Variants in BLTP1 observed in about 807,000 individuals in gnomAD.
BLTP1 encodes bridge-like lipid transfer protein family member 1.
chr4:122,255,226 T>C, the BLTP1 span: 17 of 1,613,316 alleles, frequency 1.1e-5, no homozygotes, highest in East Asian at 2.7e-4. Context: ...TACTATGTAA[T>C]ATACTACACC....
chr4:122,231,552 T>C, the BLTP1 span: 1 of 642,644 alleles, frequency 1.6e-6, no homozygotes, highest in Non-Finnish European at 1.9e-6. Context: ...TGTTTTATCT[T>C]TTAATTTTGT....
the BLTP1 span, chr4:122,237,723 G>A: frequency 4.8e-6 from 2 of 417,712 alleles, no homozygotes; most frequent in Non-Finnish European, 6.4e-6. Flanking sequence ...CTTTTTACAC[G>A]CCTGTAATCC....
chr4:122,195,978 A>G, the BLTP1 span, among the ~76,000 whole-genome samples: 6 of 152,354 alleles, frequency 3.9e-5, no homozygotes, highest in South Asian at 1.2e-3. Flanking sequence ...TAGCTCATGT[A>G]GAAGACTCTG....
At chr4:122,341,919 A>C in the BLTP1 span, 1 of 613,566 alleles carries the variant, frequency 1.6e-6, no homozygotes, top group African/African-American at 2.0e-5. Flanking sequence ...GAGAGAATAC[A>C]AAATGCACGA....
At chr4:122,336,878 C>T in the BLTP1 span, 1 of 1,588,892 alleles carries the variant, frequency 6.3e-7, no homozygotes, top group African/African-American at 1.4e-5. Context: ...ATATTTTAAA[C>T]AGCTGTCAGC....
chr4:122,184,926 T>G, the BLTP1 span: 1 of 984,448 alleles, frequency 1.0e-6, no homozygotes, highest in Non-Finnish European at 1.2e-6. Flanking sequence ...ATTTCATTAT[T>G]CCTACAGATG....
chr4:122,201,602 T>C, the BLTP1 span, among the ~76,000 whole-genome samples: 1 of 152,336 alleles, frequency 6.6e-6, no homozygotes, highest in East Asian at 1.9e-4. Context: ...GAAGAAACAT[T>C]CCTTTATTTC....
chr4:122,336,279 G>T, the BLTP1 span: 1 of 1,612,582 alleles, frequency 6.2e-7, no homozygotes, highest in Non-Finnish European at 8.5e-7. Context: ...ATGGTTATTA[G>T]TCCCTGCCTA....
the BLTP1 span, chr4:122,152,349 G>T: frequency 1.0e-6 from 1 of 985,300 alleles, no homozygotes; most frequent in Non-Finnish European, 1.2e-6. Context: ...GCCCGGCCTC[G>T]GTTGGGACCC....
At chr4:122,179,721 T>C in the BLTP1 span, 5 of 400,014 alleles carry the variant, frequency 1.2e-5, no homozygotes, top group Middle Eastern at 1.2e-3. Flanking sequence ...CGTGCACATA[T>C]AGGTACACTT....
At chr4:122,229,892 A>G in the BLTP1 span, 8 of 1,570,728 alleles carry the variant, frequency 5.1e-6, no homozygotes, top group Non-Finnish European at 6.9e-6. Context: ...AAAAATACAG[A>G]AATTACACTT....
At chr4:122,222,712 CTCTTA>C in the BLTP1 span, among the ~76,000 whole-genome samples, 1 of 152,028 alleles carries the variant, frequency 6.6e-6, no homozygotes, top group African/African-American at 2.4e-5. Context: ...ACTTTTTCTC[CTCTTA>C]TAGGGATACC....
chr4:122,245,205 A>G, the BLTP1 span: 1 of 1,422,486 alleles, frequency 7.0e-7, no homozygotes, highest in South Asian at 1.3e-5. Context: ...AGAATATTCA[A>G]ACTTGAAAAA....
chr4:122,325,568 T>G, the BLTP1 span: 1 of 1,176,696 alleles, frequency 8.5e-7, no homozygotes, highest in South Asian at 2.3e-5. Context: ...TGCTTTCTCT[T>G]AAGTAGAAAG....
At chr4:122,315,633 T>C in the BLTP1 span, 4 of 1,614,046 alleles carry the variant, frequency 2.5e-6, no homozygotes, top group South Asian at 1.1e-5. Context: ...TCAGTGAACA[T>C]AGCTGACCTG....
At chr4:122,341,508 AAATT>A in the BLTP1 span, 2 of 161,598 alleles carry the variant, frequency 1.2e-5, no homozygotes, top group Non-Finnish European at 2.6e-5. Flanking sequence ...ATTAGCACTT[AAATT>A]AATATAGCAG....
the BLTP1 span, chr4:122,301,543 C>G: frequency 3.5e-5 from 16 of 460,846 alleles, no homozygotes; most frequent in Non-Finnish European, 4.9e-5. Context: ...AAAGCTTTAA[C>G]AATAATTATT....
chr4:122,164,560 C>T, the BLTP1 span: 2 of 261,562 alleles, frequency 7.6e-6, no homozygotes, highest in Non-Finnish European at 1.2e-5. Context: ...CTGGTATTTA[C>T]ATTGATCACT....
the BLTP1 span, chr4:122,256,674 A>C: frequency 2.0e-4 from 35 of 172,626 alleles, no homozygotes; most frequent in Non-Finnish European, 3.7e-4. Flanking sequence ...AAGAGCCAAA[A>C]GTTTCTTTCT....
Sources: gnomAD v4.1 joint callset for allele counts (sites outside exome capture counted in the v4.1 genomes callset) on GRCh38, gnomAD v4.1.1 for gene constraint, MANE v1.5 for transcripts, NCBI Gene and HGNC (gene_info 2026-07-23, HGNC 2026-07-21) for gene names.